The following NCKAP1 variants were observed in gnomAD, a reference collection of about 807,000 sequenced individuals.
NCKAP1 encodes NCK associated protein 1.
In NCKAP1, 21 loss-of-function variants were observed where a neutral mutation model predicts 151.2. The observed-to-expected ratio is 0.14, with a 90% CI of 0.10 to 0.20. NCKAP1 has a LOEUF of 0.20. Ranked by LOEUF, NCKAP1 falls within the 10% of genes least tolerant of loss-of-function variation. The pLI is 1.00. For missense variants in NCKAP1, 933 were observed against 1,352.1 expected, an observed-to-expected ratio of 0.69 and a Z score of 4.86; for synonymous variants, 484 against 451.8, an observed-to-expected ratio of 1.07 and a Z score of -0.90.
At chr2:182,982,526 T>C (rs893271514) in intron 12 of NCKAP1, among the ~76,000 whole-genome samples, 3 of 152,174 alleles carry the variant, frequency 2.0e-5, no homozygotes, top group African/African-American at 7.2e-5. Context: ...TGATACTCTC[T>C]CATGATGCTG....
At chr2:182,929,470 C>T (rs1227518291) in intron 27 of NCKAP1, among the ~76,000 whole-genome samples, 1 of 151,754 alleles carries the variant, frequency 6.6e-6, no homozygotes, top group Non-Finnish European at 1.5e-5. Context: ...CAGAAGAAGA[C>T]AGAAGAAACT....
At chr2:183,011,192 TCAA>T in intron 2 of NCKAP1, among the ~76,000 whole-genome samples, 1 of 152,342 alleles carries the variant, frequency 6.6e-6, no homozygotes, top group Admixed American at 6.5e-5. Context: ...CTAACCGGAC[TCAA>T]CAAGTTTGGT....
At chr2:182,927,068 GTAATT>G (rs953064724) in intron 29 of NCKAP1, 163 bp from the exon 30 acceptor site, 9 of 501,296 alleles carry the variant, frequency 1.8e-5, no homozygotes, top group Non-Finnish European at 3.1e-5. Flanking sequence ...CATTCAAGCA[GTAATT>G]TAGAGAGTAA....
At position 182,912,297 on chromosome 2, in the gene NCKAP1, A is replaced by G. The variant is rs1696407755; in HGVS notation, c.*13405T>C. 6.6e-6 allele frequency: 1 copy of G among 152,206 alleles called. No homozygotes were observed. Among genetic ancestry groups the G allele is most frequent in the African/African-American group, 2.4e-5 (1 of 41,452 alleles). The allele number at this position is 152,206 out of a possible 1,614,324, so 9.4% of individuals were successfully genotyped here. A position where few individuals can be genotyped will look rare whatever the true frequency, so the allele number is the denominator to read the frequency against. On this transcript the variant is annotated 3_prime_UTR_variant, in exon 31 of 31. Coordinates refer to ENST00000361354, the MANE Select transcript of NCKAP1 (RefSeq NM_013436.5). ...AACAAAGACATTCTTACCCATTGCT[A>G]AAAATCAACCAACTATAAACAGTTA...
At chr2:182,995,616 G>T in intron 7 of NCKAP1, 85 bp downstream of exon 7, 1 of 1,293,442 alleles carries the variant, frequency 7.7e-7, no homozygotes. Flanking sequence ...ATGCTAATTA[G>T]AAACAAACAG....
In NCKAP1 at chr2:182,915,310, T is replaced by A. The variant is rs958084002; in HGVS notation, c.*10392A>T. The stretch of plus-strand genomic sequence containing the variant: ...GACTTTGCTTTTCAAAAACGTTGTA[T>A]GGTTCACAGCTGAAGAGAGAATAGT... On this transcript the variant is annotated 3_prime_UTR_variant, in exon 31 of 31. Transcript: ENST00000361354. 2 of 152,316 alleles carry A rather than the reference T, an allele frequency of 1.3e-5. No individual in the cohort carries two copies. Among genetic ancestry groups the A allele is most frequent in the East Asian group, 1.9e-4 (1 of 5,188 alleles). The allele number at this position is 152,316 out of a possible 1,614,324, so 9.4% of individuals were successfully genotyped here.
chr2:182,965,003 CAAT>C (rs1156927541), intron 16 of NCKAP1, among the ~76,000 whole-genome samples, 195 bp from the exon 17 acceptor site: 1 of 151,984 alleles, frequency 6.6e-6, no homozygotes. Flanking sequence ...ATTTATATAA[CAAT>C]AACAACATTT....
Position 182,909,698 on chromosome 2 carries a change from T to C in NCKAP1, c.*16004A>G, listed in dbSNP as rs1696358271. 1 of 152,236 alleles carries C rather than the reference T, an allele frequency of 6.6e-6. No individual in the cohort carries two copies. Among genetic ancestry groups the C allele is most frequent in the Non-Finnish European group, 1.5e-5 (1 of 68,044 alleles). The allele number at this position is 152,236 out of a possible 1,614,324, so 9.4% of individuals were successfully genotyped here. On this transcript the variant is annotated 3_prime_UTR_variant, in exon 31 of 31. Transcript: ENST00000361354. ...TAAAGCCAAGGTTTCCTTGAGAAGA[T>C]ATTTAGGGCACAGGACACCAAAATA...
chr2:183,025,666 G>C (rs1338732109), intron 1 of NCKAP1, among the ~76,000 whole-genome samples: 1 of 151,972 alleles, frequency 6.6e-6, no homozygotes, highest in Non-Finnish European at 1.5e-5. Context: ...TCTTTGAGTA[G>C]ACTATCATTT....
At chr2:183,035,249 A>C (rs571134209) in intron 1 of NCKAP1, among the ~76,000 whole-genome samples, 1 of 152,186 alleles carries the variant, frequency 6.6e-6, no homozygotes, top group Admixed American at 6.5e-5. Context: ...TAAATTGTAA[A>C]TATTAAGATC....
chr2:182,995,664 CTT>C (rs1559098560), intron 7 of NCKAP1, 35 bp downstream of exon 7: 1 of 1,583,874 alleles, frequency 6.3e-7, no homozygotes, highest in South Asian at 1.2e-5. Flanking sequence ...TTAAAAGTCA[CTT>C]TATTTTCATT....
At chr2:183,014,997 G>T (rs902805172) in intron 2 of NCKAP1, among the ~76,000 whole-genome samples, 9 of 152,278 alleles carry the variant, frequency 5.9e-5, no homozygotes, top group East Asian at 1.9e-4. Context: ...AATTTGAAGA[G>T]TATGGAAAAA....
intron 1 of NCKAP1, among the ~76,000 whole-genome samples, chr2:183,027,207 C>T (rs940184318): frequency 6.6e-6 from 1 of 152,256 alleles, no homozygotes; most frequent in Admixed American, 6.5e-5. Flanking sequence ...CTATCTGTGC[C>T]TCAGTTTCTT....
intron 27 of NCKAP1, among the ~76,000 whole-genome samples, chr2:182,929,109 CA>C (rs1696707732): frequency 1.3e-5 from 2 of 151,376 alleles, no homozygotes; most frequent in Admixed American, 1.3e-4. Context: ...GGACTATTAT[CA>C]ACTACTTAGG....
intron 1 of NCKAP1, among the ~76,000 whole-genome samples, chr2:183,025,261 TTAAAA>T (rs1698874304): frequency 6.6e-6 from 1 of 152,054 alleles, no homozygotes; most frequent in Non-Finnish European, 1.5e-5. Context: ...CTAAACCAAC[TTAAAA>T]TAATACTAGA....
In NCKAP1 at chr2:182,953,221, T is replaced by C. The variant is rs770254016; in HGVS notation, c.2264A>G (p.Asn755Ser). 4 of 1,612,764 alleles carry C rather than the reference T, an allele frequency of 2.5e-6. No individual in the cohort carries two copies. The Admixed American group carries it at 6.7e-5, about 27-fold the overall frequency. ...TCTTGTAATATCAATCTGCACATAG[T>C]TTTCTATTGACTGGAGTACGGTCAT... ...AYMTVLQSIE[N>S]YVQIDITRVF... Residue 755 changes from asparagine to serine, a missense_variant, in exon 21 of 31, where the codon AAC (asparagine) becomes AGC (serine). Physicochemically the swap from Asn to Ser is conservative, Grantham distance 46. Around this residue, in one of 2 missense-constraint regions of NCKAP1, gnomAD observed 326 missense variants for 557.1 expected, o/e 0.59. Coordinates refer to ENST00000361354, the MANE Select transcript of NCKAP1 (RefSeq NM_013436.5).
intron 1 of NCKAP1, 98 bp downstream of exon 1, chr2:183,037,894 C>T (rs1312106253): frequency 1.1e-6 from 1 of 919,114 alleles, no homozygotes; most frequent in Non-Finnish European, 1.5e-6. Context: ...GATTTCTACA[C>T]CCGGCGCCTC....
At chr2:182,990,779 T>A (rs1163015001) in intron 8 of NCKAP1, among the ~76,000 whole-genome samples, 1 of 152,340 alleles carries the variant, frequency 6.6e-6, no homozygotes, top group East Asian at 1.9e-4. Context: ...AAACTTGCCA[T>A]TTATCTTTTG....
At chr2:183,013,176 C>T (rs1698621174) in intron 2 of NCKAP1, among the ~76,000 whole-genome samples, 1 of 151,866 alleles carries the variant, frequency 6.6e-6, no homozygotes, top group African/African-American at 2.4e-5. Context: ...CTCTCAAATC[C>T]CTCAATAATC....
Sources: allele counts gnomAD v4.1 joint callset (sites outside exome capture counted in the v4.1 genomes callset), GRCh38; gene constraint gnomAD v4.1.1; regional missense constraint gnomAD v4.1.1; transcripts MANE v1.5; gene names NCBI Gene and HGNC (gene_info 2026-07-23, HGNC 2026-07-21).